Variants in ADGRL3 observed in about 807,000 individuals in gnomAD.
The protein encoded by ADGRL3 is calcium-independent alpha-latrotoxin receptor 3.
Under a neutral mutation model 153.5 loss-of-function variants are expected in ADGRL3, and 62 were observed. That is an observed-to-expected ratio of 0.40 (90% CI 0.33 to 0.50). ADGRL3 has a LOEUF of 0.50. ADGRL3 is among the 20% of genes least tolerant of loss of function. The pLI, the probability that ADGRL3 is intolerant of heterozygous loss-of-function variation, is 0.47. For synonymous variants in ADGRL3, 710 were observed against 672.5 expected, an observed-to-expected ratio of 1.06 and a Z score of -0.86; for missense variants, 1,641 against 1,859.4, an observed-to-expected ratio of 0.88 and a Z score of 2.16.
At chr4:61,329,854 A>G (rs2095536787) in intron 1 of ADGRL3, among the ~76,000 whole-genome samples, 1 of 152,194 alleles carries the variant, frequency 6.6e-6, no homozygotes, top group Non-Finnish European at 1.5e-5. Flanking sequence ...GAATCATTTG[A>G]GTTGTATGAG....
chr4:61,980,277 C>A (rs999319328), intron 18 of ADGRL3, among the ~76,000 whole-genome samples: 21 of 148,644 alleles, frequency 1.4e-4, no homozygotes, highest in African/African-American at 4.9e-4. Flanking sequence ...GTTTATCCCC[C>A]CTTTCCCACT....
At chr4:62,024,909 G>A (rs1461796859) in intron 21 of ADGRL3, among the ~76,000 whole-genome samples, 2 of 122,928 alleles carry the variant, frequency 1.6e-5, no homozygotes, top group Non-Finnish European at 3.2e-5. Flanking sequence ...TAACCCAGGC[G>A]ACAGTGTGAG....
chr4:61,965,412 T>C (rs937341860), intron 17 of ADGRL3, among the ~76,000 whole-genome samples: 9 of 152,154 alleles, frequency 5.9e-5, no homozygotes, highest in Non-Finnish European at 1.2e-4. Flanking sequence ...TTTATATAGC[T>C]TTATAAGATA....
chr4:61,818,948 C>G (rs1440873732), intron 9 of ADGRL3, among the ~76,000 whole-genome samples: 1 of 152,016 alleles, frequency 6.6e-6, no homozygotes, highest in African/African-American at 2.4e-5. Context: ...TGCAAAAACT[C>G]TTACTCATTT....
Position 61,523,766 on chromosome 4 carries a change from T to C in ADGRL3, c.259+6248T>C, listed in dbSNP as rs888628200. 3.3e-5 allele frequency among the ~76,000 whole-genome samples: 5 copies of C among 152,236 alleles called. No homozygotes were observed. The South Asian group carries it at 1.0e-3, about 32-fold the overall frequency. ...TAAATGTGCGAGCTTGACCTTCAAG[T>C]ATTTCCAGAATAGTATAAGCTCAGT... On this transcript the variant is annotated intron_variant, in intron 4 of 26. Coordinates refer to ENST00000683033, the MANE Select transcript of ADGRL3 (RefSeq NM_001387552.1).
intron 5 of ADGRL3, among the ~76,000 whole-genome samples, chr4:61,650,519 AT>A (rs1561001628): frequency 6.6e-6 from 1 of 152,148 alleles, no homozygotes; most frequent in African/African-American, 2.4e-5. Context: ...AGTAAATTTT[AT>A]TTTTTAACAC....
chr4:62,066,544 C>T (rs1743084264), intron 25 of ADGRL3, among the ~76,000 whole-genome samples: 1 of 151,930 alleles, frequency 6.6e-6, no homozygotes, highest in Non-Finnish European at 1.5e-5. Flanking sequence ...CCATTATCTT[C>T]TTGTCAGTAT....
intron 5 of ADGRL3, among the ~76,000 whole-genome samples, chr4:61,603,728 G>GTTTGTT (rs1491307181): frequency 6.6e-6 from 1 of 151,426 alleles, no homozygotes; most frequent in Non-Finnish European, 1.5e-5. Context: ...GTGTGTGTGT[G>GTTTGTT]TGTTTGTTTG....
intron 17 of ADGRL3, among the ~76,000 whole-genome samples, chr4:61,961,932 C>T (rs2098989418): frequency 6.6e-6 from 1 of 152,068 alleles, no homozygotes; most frequent in South Asian, 2.1e-4. Flanking sequence ...TACTCATATA[C>T]CCCTTTTTCT....
Position 61,746,511 on chromosome 4 carries a change from G to A in ADGRL3, c.1399+12957G>A, listed in dbSNP as rs539992511. 3.6e-4 allele frequency among the ~76,000 whole-genome samples: 55 copies of A among 151,400 alleles called. No individual in the cohort carries two copies. In the South Asian group the frequency reaches 0.011, roughly 31 times the overall value. On this transcript the variant is annotated intron_variant, in intron 8 of 26. Transcript: ENST00000683033. The stretch of plus-strand genomic sequence containing the variant: ...ACAGAAATTATAACAAACTCTCTCT[G>A]AGACCACAGTGCAATCAAACTAGAA...
intron 1 of ADGRL3, among the ~76,000 whole-genome samples, chr4:61,234,304 A>G (rs1347971558): frequency 1.3e-5 from 2 of 152,182 alleles, no homozygotes; most frequent in Non-Finnish European, 2.9e-5. Flanking sequence ...AGAAATAAGC[A>G]AAAGTGGAAA....
At chr4:61,541,081 C>A (rs1579422526) in intron 4 of ADGRL3, among the ~76,000 whole-genome samples, 1 of 152,134 alleles carries the variant, frequency 6.6e-6, no homozygotes, top group Non-Finnish European at 1.5e-5. Flanking sequence ...GTAGGAGGGG[C>A]ACTCCAAAGT....
chr4:62,002,485 A>G (rs1333586040), intron 21 of ADGRL3, among the ~76,000 whole-genome samples: 2 of 151,806 alleles, frequency 1.3e-5, no homozygotes, highest in South Asian at 4.2e-4. Context: ...AAGTCATCAT[A>G]GAAAACCCCT....
At chr4:61,686,023 C>T (rs1236660544) in intron 6 of ADGRL3, among the ~76,000 whole-genome samples, 2 of 151,326 alleles carry the variant, frequency 1.3e-5, no homozygotes, top group African/African-American at 4.8e-5. Context: ...GTTGGATTGA[C>T]AGAGTTAGGA....
At chr4:61,644,103 G>T (rs2093832189) in intron 5 of ADGRL3, among the ~76,000 whole-genome samples, 1 of 74,562 alleles carries the variant, frequency 1.3e-5, no homozygotes, top group Non-Finnish European at 2.7e-5. Context: ...TTCTCTGATG[G>T]TAGTTTGTAT....
Position 61,497,266 on chromosome 4 carries a change from G to C in ADGRL3, c.-28G>C. ...TTCACATTTGAACAGTCATTCTTGA[G>C]GAATACTCCATACCTGAGTAGACAG... On this transcript the variant is annotated 5_prime_UTR_variant, in exon 3 of 27. Coordinates refer to ENST00000683033, the MANE Select transcript of ADGRL3 (RefSeq NM_001387552.1). 1 of 1,471,618 alleles carries C rather than the reference G, an allele frequency of 6.8e-7. No individual in the cohort carries two copies. Among genetic ancestry groups the C allele is most frequent in the South Asian group, 1.2e-5 (1 of 85,268 alleles). 91.2% of individuals were successfully genotyped at this position (1,471,618 alleles called of 1,614,324 possible).
chr4:61,502,292 G>C (rs1408333341), intron 3 of ADGRL3, among the ~76,000 whole-genome samples: 1 of 152,086 alleles, frequency 6.6e-6, no homozygotes. Flanking sequence ...TGATTCTGGT[G>C]CTCAAATATT....
At chr4:61,222,268 C>A (rs914712256) in intron 1 of ADGRL3, among the ~76,000 whole-genome samples, 1 of 151,988 alleles carries the variant, frequency 6.6e-6, no homozygotes, top group Non-Finnish European at 1.5e-5. Flanking sequence ...TGTTGTAATT[C>A]ATGGGAGAAG....
intron 8 of ADGRL3, among the ~76,000 whole-genome samples, chr4:61,767,685 G>A (rs978011626): frequency 7.2e-5 from 11 of 152,264 alleles, no homozygotes; most frequent in Non-Finnish European, 1.2e-4. Context: ...CAGATGGGAC[G>A]TGGCTTAGGA....
Sources: gnomAD v4.1 joint callset for allele counts (sites outside exome capture counted in the v4.1 genomes callset) on GRCh38, gnomAD v4.1.1 for gene constraint, MANE v1.5 for transcripts, NCBI Gene and HGNC (gene_info 2026-07-23, HGNC 2026-07-21) for gene names.